The following C19orf25 variants were observed in gnomAD, a reference collection of about 807,000 sequenced individuals.
C19orf25 encodes UPF0449 protein C19orf25.
C19orf25 carries 1 observed loss-of-function variant against 3.1 expected under a neutral mutation model. That is an observed-to-expected ratio of 0.32 (90% CI 0.12 to 1.54). C19orf25 has a LOEUF of 1.54. C19orf25 is among the 40% of genes most tolerant of loss of function. C19orf25 has a pLI of 0.38. For missense variants in C19orf25, 196 were observed against 160.4 expected, an observed-to-expected ratio of 1.22 and a Z score of -1.20; for synonymous variants, 91 against 74.3, an observed-to-expected ratio of 1.23 and a Z score of -1.16.
At chr19:1,479,060 G>A in intron 1 of C19orf25, 103 bp downstream of exon 1, 3 of 1,364,892 alleles carry the variant, frequency 2.2e-6, no homozygotes, top group Non-Finnish European at 2.8e-6. Context: ...CCCAGGCCCT[G>A]ACCCTCCCTC....
intron 2 of C19orf25, 102 bp downstream of exon 2, chr19:1,478,672 G>A (rs555637766): frequency 6.6e-7 from 1 of 1,511,748 alleles, no homozygotes; most frequent in Non-Finnish European, 8.9e-7. Context: ...TGTTGCGGGG[G>A]TTCCCAGGGC....
chr19:1,475,384 T>A (rs1357288332), intron 2 of C19orf25, 126 bp from the exon 3 acceptor site: 2 of 977,874 alleles, frequency 2.0e-6, no homozygotes, highest in South Asian at 3.4e-5. Context: ...CGGGGTCTTC[T>A]TAACATGACG....
rs1568192965 is a variant in C19orf25 at position 1,475,513 on chromosome 19, C to T, written c.131-255G>A. Reference sequence around the variant, plus strand: ...CTGGACAACATAGTGACACCCCCATCTCTACCAAAAAATACAAATACAAAA... The same window carrying T: ...CTGGACAACATAGTGACACCCCCATTTCTACCAAAAAATACAAATACAAAA... On this transcript the variant is annotated intron_variant, in intron 2 of 2. Transcript: ENST00000585675. The T allele has an allele frequency of 6.4e-6, 3 of 471,808 alleles. No individual in the cohort carries two copies. In the South Asian group the frequency reaches 1.1e-4, roughly 17 times the overall value. The allele number at this position is 471,808 out of a possible 1,614,324, so 29.2% of individuals were successfully genotyped here.
chr19:1,475,059 C>T lies in C19orf25; in HGVS notation c.330G>A (p.Pro110=), dbSNP rs766655464. 2.3e-5 allele frequency: 36 copies of T among 1,599,584 alleles called. 1 individual carries two copies. Among genetic ancestry groups the T allele is most frequent in the African/African-American group, 1.1e-4 (8 of 74,646 alleles). ...EVAQMKQAAL[P]AAEAASSG ...AGCCTGAGGAGGCAGCCTCGGCTGC[C>T]GGTAATGCTGCCTGCTTCATCTGGG... The change falls in exon 3 of 3, where the codon CCG becomes CCA. Residue 110 remains proline (P), a synonymous_variant. Coordinates refer to ENST00000585675, the MANE Select transcript of C19orf25 (RefSeq NM_152482.3).
At chr19:1,478,670 G>T in intron 2 of C19orf25, 104 bp downstream of exon 2, 1 of 1,510,838 alleles carries the variant, frequency 6.6e-7, no homozygotes, top group Non-Finnish European at 8.9e-7. Context: ...CATGTTGCGG[G>T]GGTTCCCAGG....
Position 1,475,575 on chromosome 19 carries a change from A to G in C19orf25, c.131-317T>C, listed in dbSNP as rs2084197588. 1.6e-5 allele frequency: 5 copies of G among 307,628 alleles called. No individual in the cohort carries two copies. In the South Asian group the frequency reaches 3.4e-4, roughly 21 times the overall value. 19.1% of individuals were successfully genotyped at this position (307,628 alleles called of 1,614,324 possible). On this transcript the variant is annotated intron_variant, in intron 2 of 2. Transcript: ENST00000585675. ...GTGGTAGCACGCATCTGTGGTCCCT[A>G]CTTCTCTGGAGGCAGAGGCAGGAGG... is the stretch of plus-strand genomic sequence containing the variant.
At chr19:1,477,008 T>G (rs1201054722) in intron 2 of C19orf25, among the ~76,000 whole-genome samples, 2 of 151,992 alleles carry the variant, frequency 1.3e-5, no homozygotes, top group Non-Finnish European at 2.9e-5. Flanking sequence ...TTTCTTTTTT[T>G]TTTTTGTTTG....
intron 2 of C19orf25, 177 bp downstream of exon 2, chr19:1,478,597 C>T: frequency 2.9e-6 from 4 of 1,401,548 alleles, no homozygotes; most frequent in Non-Finnish European, 3.7e-6. Flanking sequence ...GAAGAACCCT[C>T]TGAAAATCGG....
At chr19:1,476,497 C>T (rs2084207019) in intron 2 of C19orf25, 1 of 390,532 alleles carries the variant, frequency 2.6e-6, no homozygotes, top group Non-Finnish European at 4.5e-6. Context: ...GGAATAAAAC[C>T]AACTCATGCA....
chr19:1,474,615 C>G lies in C19orf25; in HGVS notation c.*417G>C, dbSNP rs1039230321. 2.0e-6 allele frequency: 1 copy of G among 500,450 alleles called. No homozygotes were observed. The highest frequency in any genetic ancestry group is 3.6e-5 in the Admixed American group (1 of 27,712). The allele number at this position is 500,450 out of a possible 1,614,324, so 31.0% of individuals were successfully genotyped here. A position where few individuals can be genotyped will look rare whatever the true frequency, so the allele number is the denominator to read the frequency against. On this transcript the variant is annotated 3_prime_UTR_variant, in exon 3 of 3. Coordinates refer to ENST00000585675, the MANE Select transcript of C19orf25 (RefSeq NM_152482.3). ...GCTGCTCTGACATTGGGTGGGCACT[C>G]GCTGGATGGAATCACAGTTAACACC...
intron 2 of C19orf25, 150 bp from the exon 3 acceptor site, chr19:1,475,408 G>A (rs956672065): frequency 1.9e-5 from 15 of 777,020 alleles, no homozygotes; most frequent in Non-Finnish European, 3.0e-5. Context: ...GCAGCCAGGT[G>A]TGGTGGCTCA....
Position 1,475,041 on chromosome 19 carries a change from G to C in C19orf25, c.348C>G (p.Ser116=). 7 of 1,591,432 alleles carry C rather than the reference G, an allele frequency of 4.4e-6. No homozygotes were observed. Among genetic ancestry groups the C allele is most frequent in the Middle Eastern group, 1.7e-4 (1 of 6,048 alleles). Residue 116 remains serine (S), a synonymous_variant, in exon 3 of 3, where the codon TCC becomes TCG. Coordinates refer to ENST00000585675, the MANE Select transcript of C19orf25 (RefSeq NM_152482.3). ...TGCAGGCCCCGAGAGGTCAGCCTGA[G>C]GAGGCAGCCTCGGCTGCCGGTAATG... ...QAALPAAEAA[S]SG is the part of the protein sequence containing the mutation.
At position 1,479,209 on chromosome 19, in the gene C19orf25, C is replaced by T; in HGVS notation, c.-49G>A. 3.2e-6 allele frequency: 4 copies of T among 1,236,896 alleles called. No homozygotes were observed. Among genetic ancestry groups the T allele is most frequent in the South Asian group, 2.5e-5 (1 of 39,994 alleles). The allele number at this position is 1,236,896 out of a possible 1,614,324, so 76.6% of individuals were successfully genotyped here. ...CCAGCGTCGACGACGCAGCCACTTC[C>T]GATTCCGGTCGGAGCACCGCCCCGT... is the stretch of plus-strand genomic sequence containing the variant. On this transcript the variant is annotated 5_prime_UTR_variant, in exon 1 of 3. Coordinates refer to ENST00000585675, the MANE Select transcript of C19orf25 (RefSeq NM_152482.3).
At position 1,479,205 on chromosome 19, in the gene C19orf25, C is replaced by T. The variant is rs989790172; in HGVS notation, c.-45G>A. The T allele has an allele frequency of 8.0e-7, 1 of 1,250,104 alleles. No homozygotes were observed. The highest frequency in any genetic ancestry group is 1.0e-6 in the Non-Finnish European group (1 of 995,652). 77.4% of individuals were successfully genotyped at this position (1,250,104 alleles called of 1,614,324 possible). ...AAGCCCAGCGTCGACGACGCAGCCA[C>T]TTCCGATTCCGGTCGGAGCACCGCC... On this transcript the variant is annotated 5_prime_UTR_variant, in exon 1 of 3. The change creates a new upstream start codon in the 5' untranslated region. Coordinates refer to ENST00000585675, the MANE Select transcript of C19orf25 (RefSeq NM_152482.3).
chr19:1,476,614 T>C (rs1212975437), intron 2 of C19orf25: 3 of 282,346 alleles, frequency 1.1e-5, no homozygotes, highest in Non-Finnish European at 2.0e-5. Context: ...GCACTTGAAA[T>C]ATGTCTAAAG....
Position 1,478,778 on chromosome 19 carries a change from C to CG in C19orf25, c.125dup (p.Glu43GlyfsTer46), listed in dbSNP as rs2084233100. On this transcript the variant is annotated frameshift_variant, in exon 2 of 3. Coordinates refer to ENST00000585675, the MANE Select transcript of C19orf25 (RefSeq NM_152482.3). LOFTEE classifies it low-confidence loss of function (END_TRUNC). ...CCGGGACCGGGCTCCCCCTACCTTC[C>CG]GGGGCCAGGATGGTGAACACTGGAT... The CG allele has an allele frequency of 6.4e-7, 1 of 1,572,250 alleles. No homozygotes were observed. Among genetic ancestry groups the CG allele is most frequent in the Non-Finnish European group, 8.6e-7 (1 of 1,159,438 alleles).
At chr19:1,478,417 GTTT>G in intron 2 of C19orf25, 13 of 254,620 alleles carry the variant, frequency 5.1e-5, no homozygotes, top group Middle Eastern at 1.3e-3. Context: ...ACTCTGTTTT[GTTT>G]TTGTTTTTGT....
At chr19:1,478,750 TC>T (rs1486623999) in intron 2 of C19orf25, 23 bp downstream of exon 2, 4 of 1,549,486 alleles carry the variant, frequency 2.6e-6, no homozygotes, top group Admixed American at 2.0e-5. Context: ...GGTCCGCTTT[TC>T]CCCGGGACCG....
At chr19:1,478,365 C>A (rs1165190431) in intron 2 of C19orf25, 1 of 330,084 alleles carries the variant, frequency 3.0e-6, no homozygotes, top group East Asian at 5.0e-5. Context: ...CTCAGCCTCC[C>A]GAGTAGCTGA....
Sources: allele counts gnomAD v4.1 joint callset (sites outside exome capture counted in the v4.1 genomes callset), GRCh38; gene constraint gnomAD v4.1.1; transcripts MANE v1.5; gene names NCBI Gene and HGNC (gene_info 2026-07-23, HGNC 2026-07-21).